The following PHF3 variants were observed in gnomAD, a reference collection of about 807,000 sequenced individuals.
PHF3 encodes PHD finger protein 3.
In PHF3, 41 loss-of-function variants were observed where a neutral mutation model predicts 178.4. The observed-to-expected ratio is 0.23, with a 90% CI of 0.18 to 0.30. PHF3 has a LOEUF of 0.30. Among genes scored for constraint, PHF3 ranks in the 10% least tolerant of loss-of-function variants. The pLI is 1.00. For synonymous variants in PHF3, 842 were observed against 800.5 expected, an observed-to-expected ratio of 1.05 and a Z score of -0.88; for missense variants, 2,346 against 2,398.1, an observed-to-expected ratio of 0.98 and a Z score of 0.45.
At chr6:63,677,130 T>G (rs1028256007) in intron 2 of PHF3, among the ~76,000 whole-genome samples, 1 of 152,132 alleles carries the variant, frequency 6.6e-6, no homozygotes, top group Admixed American at 6.6e-5. Flanking sequence ...GAGGTACTTA[T>G]TAGACAACTT....
intron 2 of PHF3, among the ~76,000 whole-genome samples, chr6:63,657,603 GT>G (rs1412910227): frequency 6.6e-6 from 1 of 152,124 alleles, no homozygotes; most frequent in African/African-American, 2.4e-5. Context: ...TCATCTTCAT[GT>G]TTAGTAGGTT....
intron 9 of PHF3, chr6:63,702,299 C>T (rs12198142): frequency 0.51 from 139,907 of 273,246 alleles, 38,302 homozygotes; most frequent in African/African-American, 0.77. Flanking sequence ...GGTTGAGGTA[C>T]GGGGTCTAAT....
intron 9 of PHF3, 181 bp from the exon 10 acceptor site, chr6:63,702,327 T>C (rs1767510516): frequency 5.4e-6 from 2 of 372,092 alleles, no homozygotes; most frequent in South Asian, 5.6e-5. Context: ...ACCGCAGTAC[T>C]TAAAACTGTC....
rs1467249165 is a variant in PHF3, at chr6:63,715,625, T to G, written c.*1917T>G. The G allele has an allele frequency of 1.3e-5, 2 of 152,144 alleles. No individual in the cohort carries two copies. The highest frequency in any genetic ancestry group is 3.8e-4 in the East Asian group (2 of 5,204). The allele number at this position is 152,144 out of a possible 1,614,324, so 9.4% of individuals were successfully genotyped here. On this transcript the variant is annotated 3_prime_UTR_variant, in exon 16 of 16. Coordinates refer to ENST00000262043, the MANE Select transcript of PHF3 (RefSeq NM_001370348.2). Reference sequence around the variant, plus strand: ...GTTTTTTCTACATATCTAAAATTCTTTAATCAGTTCTGATCGAATCTTGAT... The same window carrying G: ...GTTTTTTCTACATATCTAAAATTCTGTAATCAGTTCTGATCGAATCTTGAT...
In PHF3 at chr6:63,712,044, T is replaced by G; in HGVS notation, c.4456T>G (p.Ser1486Ala). The G allele has an allele frequency of 6.2e-7, 1 of 1,613,776 alleles. No homozygotes were observed. The highest frequency in any genetic ancestry group is 8.5e-7 in the Non-Finnish European group (1 of 1,179,932). ...TTGQVYDQAQ[S>A]VMEQNTVKEI... The stretch of plus-strand genomic sequence containing the variant: ...TGGTCAAGTATATGACCAGGCCCAG[T>G]CAGTGATGGAACAAAACACTGTTAA... Residue 1486 changes from serine (S) to alanine (A), a missense_variant, in exon 16 of 16, where the codon TCA becomes GCA. Ser to Ala is a moderately conservative substitution (Grantham distance 99). Around this residue, in one of 8 missense-constraint regions of PHF3, gnomAD observed 839 missense variants for 806.9 expected, o/e 1.04. Coordinates refer to ENST00000262043, the MANE Select transcript of PHF3 (RefSeq NM_001370348.2).
At chr6:63,644,301 ATGAAT>A (rs1448021384) in intron 1 of PHF3, among the ~76,000 whole-genome samples, 4 of 152,304 alleles carry the variant, frequency 2.6e-5, no homozygotes, top group Admixed American at 1.3e-4. Context: ...GTTCAGATAA[ATGAAT>A]TCATTGGTAG....
rs989453026 is a variant in PHF3, at chr6:63,709,331, G to A, written c.3801+91G>A. 4.8e-6 allele frequency: 4 copies of A among 829,462 alleles called. No homozygotes were observed. The African/African-American group carries it at 6.9e-5, about 14-fold the overall frequency. The allele number at this position is 829,462 out of a possible 1,614,324, so 51.4% of individuals were successfully genotyped here. ...CTTATGCAAGGGTGCAAAGTCTCCTGGGGAAAGGAGGCAATACACATTTTA... is the reference window on the plus strand; with the variant it reads ...CTTATGCAAGGGTGCAAAGTCTCCTAGGGAAAGGAGGCAATACACATTTTA... On this transcript the variant is annotated intron_variant, in intron 14 of 15. Transcript: ENST00000262043.
chr6:63,659,408 G>A (rs1765372512), intron 2 of PHF3, among the ~76,000 whole-genome samples: 1 of 152,192 alleles, frequency 6.6e-6, no homozygotes, highest in Non-Finnish European at 1.5e-5. Flanking sequence ...ATTTCAAGAT[G>A]AGTATTGTAG....
chr6:63,722,311 T>G lies in PHF3; in HGVS notation c.*8603T>G, dbSNP rs928835833. Among the ~76,000 whole-genome samples, 5 of 152,138 alleles carry G rather than the reference T, an allele frequency of 3.3e-5. No homozygotes were observed. Among genetic ancestry groups the G allele is most frequent in the African/African-American group, 9.7e-5 (4 of 41,448 alleles). ...CTCCGCCACCCCATTCCACCTCAAC[T>G]AGATAACTCCTACCTGTCCTTCAGG... On this transcript the variant is annotated 3_prime_UTR_variant, in exon 16 of 16. Transcript: ENST00000262043.
At position 63,694,516 on chromosome 6, in the gene PHF3, A is replaced by G. The variant is rs1347847575; in HGVS notation, c.2497-65A>G. 2.7e-6 allele frequency: 3 copies of G among 1,112,098 alleles called. No homozygotes were observed. The African/African-American group carries it at 4.8e-5, about 18-fold the overall frequency. 68.9% of individuals were successfully genotyped at this position (1,112,098 alleles called of 1,614,324 possible). ...ACTAATAATCAAGAGTTATTTTTGT[A>G]CGTCTTAAAAAACAAAGATTGTTTA... is the stretch of plus-strand genomic sequence containing the variant. On this transcript the variant is annotated intron_variant, in intron 5 of 15. Coordinates refer to ENST00000262043, the MANE Select transcript of PHF3 (RefSeq NM_001370348.2).
chr6:63,685,459 A>C lies in PHF3; in HGVS notation c.1737A>C (p.Thr579=). The C allele has an allele frequency of 6.2e-7, 1 of 1,614,106 alleles. No individual in the cohort carries two copies. ...KNQAHSVLKK[T]LQDQTLVQIF... ...AAGCTCATTCTGTACTGAAAAAAAC[A>C]TTACAGGATCAAACTTTAGTACAAA... is the stretch of plus-strand genomic sequence containing the variant. The change falls in exon 4 of 16, where the codon ACA becomes ACC. Residue 579 remains threonine (T), a synonymous_variant. Transcript: ENST00000262043.
intron 2 of PHF3, among the ~76,000 whole-genome samples, chr6:63,676,881 T>G (rs996766706): frequency 6.6e-6 from 1 of 152,138 alleles, no homozygotes; most frequent in African/African-American, 2.4e-5. Context: ...AGATGTGATT[T>G]GGGAGTAGCA....
At chr6:63,705,196 T>C (rs561296524) in intron 11 of PHF3, among the ~76,000 whole-genome samples, 1 of 152,352 alleles carries the variant, frequency 6.6e-6, no homozygotes, top group South Asian at 2.1e-4. Context: ...TGGAATTTGG[T>C]AAAATTGTCA....
intron 9 of PHF3, among the ~76,000 whole-genome samples, chr6:63,701,218 A>T (rs1767460575): frequency 6.6e-6 from 1 of 152,212 alleles, no homozygotes; most frequent in South Asian, 2.1e-4. Context: ...TAACTAATTT[A>T]TTGATAAAGC....
intron 9 of PHF3, 59 bp downstream of exon 9, chr6:63,700,525 G>A: frequency 1.1e-6 from 1 of 921,580 alleles, no homozygotes; most frequent in South Asian, 1.4e-5. Flanking sequence ...CAGCCATTGG[G>A]TAAAAATTAT....
chr6:63,701,512 A>G (rs755417566), intron 9 of PHF3, among the ~76,000 whole-genome samples: 1 of 152,218 alleles, frequency 6.6e-6, no homozygotes, highest in Non-Finnish European at 1.5e-5. Flanking sequence ...TGGCATCAGA[A>G]TGTTAGCCCC....
chr6:63,713,587 A>T lies in PHF3; in HGVS notation c.5999A>T (p.Lys2000Ile), dbSNP rs143789721. The change falls in exon 16 of 16, where the codon AAA becomes ATA. Residue 2000 changes from lysine to isoleucine, a missense_variant. Physicochemically the swap from Lys to Ile is moderately radical, Grantham distance 102. This residue lies in a region of PHF3 where 839 missense variants were observed against 806.9 expected (regional missense o/e 1.04). Transcript: ENST00000262043. The part of the protein sequence containing the change: ...RNVDKKPDKP[K>I]SEDYEKDKER... ...GTAGACAAGAAGCCAGATAAACCTA[A>T]AAGTGAAGACTATGAGAAGGACAAA... is the stretch of plus-strand genomic sequence containing the variant. 1 of 1,613,746 alleles carries T rather than the reference A, an allele frequency of 6.2e-7. No homozygotes were observed. Among genetic ancestry groups the T allele is most frequent in the East Asian group, 2.2e-5 (1 of 44,798 alleles).
intron 3 of PHF3, 140 bp downstream of exon 3, chr6:63,680,301 C>A: frequency 3.1e-6 from 2 of 636,208 alleles, no homozygotes; most frequent in East Asian, 3.2e-5. Context: ...GTTTTGAGAT[C>A]ATATCAATTT....
At position 63,719,137 on chromosome 6, in the gene PHF3, C is replaced by G. The variant is rs1210754719; in HGVS notation, c.*5429C>G. Among the ~76,000 whole-genome samples, 1 of 151,988 alleles carries G rather than the reference C, an allele frequency of 6.6e-6. No homozygotes were observed. Among genetic ancestry groups the G allele is most frequent in the Non-Finnish European group, 1.5e-5 (1 of 67,926 alleles). On this transcript the variant is annotated 3_prime_UTR_variant, in exon 16 of 16. Transcript: ENST00000262043. Reference sequence around the variant, plus strand: ...ACTGTATGTTTGGAAACATTTGTGCCCTGTCAAATGGTGTTGACATTCTTA... The same window carrying G: ...ACTGTATGTTTGGAAACATTTGTGCGCTGTCAAATGGTGTTGACATTCTTA...
Sources: allele counts gnomAD v4.1 joint callset (sites outside exome capture counted in the v4.1 genomes callset), GRCh38; gene constraint gnomAD v4.1.1; regional missense constraint gnomAD v4.1.1; transcripts MANE v1.5; gene names NCBI Gene and HGNC (gene_info 2026-07-23, HGNC 2026-07-21).